The following S100Z variants were observed in gnomAD, a reference collection of about 807,000 sequenced individuals.
S100Z encodes S100 calcium binding protein Z.
A neutral mutation model predicts 8.5 loss-of-function variants in S100Z; 11 were observed. The ratio of observed to expected loss-of-function variants is 1.30; its 90% CI spans 0.82 to 2.15. The LOEUF (loss-of-function observed/expected upper bound fraction) is 2.15. S100Z is among the 30% of genes most tolerant of loss of function. The pLI, the probability that S100Z is intolerant of heterozygous loss-of-function variation, is 0.00. For missense variants in S100Z, 126 were observed against 117.9 expected (o/e 1.07, Z -0.32); for synonymous variants, 34 against 43.8 (o/e 0.78, Z 0.89).
chr5:76,924,114 C>G (rs929093971), downstream of S100Z, among the ~76,000 whole-genome samples: 3 of 152,192 alleles, frequency 2.0e-5, no homozygotes, highest in Non-Finnish European at 4.4e-5. Flanking sequence ...AAACACCACA[C>G]TTGGAGCCCA....
intron 4 of S100Z, among the ~76,000 whole-genome samples, chr5:76,905,494 G>C (rs1744393819): frequency 6.6e-6 from 1 of 151,686 alleles, no homozygotes; most frequent in Admixed American, 6.6e-5. Flanking sequence ...TTCATCGCAA[G>C]CTCCACCTCC....
intron 3 of S100Z, among the ~76,000 whole-genome samples, chr5:76,875,862 T>C (rs917121732): frequency 2.0e-5 from 3 of 152,150 alleles, no homozygotes; most frequent in Admixed American, 6.5e-5. Context: ...AAATTATGTA[T>C]TGGGCCAGAG....
At chr5:76,862,765 C>G (rs1409320259) in intron 1 of S100Z, among the ~76,000 whole-genome samples, 1 of 151,946 alleles carries the variant, frequency 6.6e-6, no homozygotes, top group Non-Finnish European at 1.5e-5. Context: ...TCAAGCCACT[C>G]CACTCCAGCC....
intron 4 of S100Z, among the ~76,000 whole-genome samples, chr5:76,918,177 A>G (rs1580069627): frequency 1.3e-5 from 2 of 152,108 alleles, no homozygotes; most frequent in Non-Finnish European, 2.9e-5. Flanking sequence ...ATTAGATATT[A>G]TCCAACTTTA....
chr5:76,924,858 A>G (rs1475716874), downstream of S100Z, among the ~76,000 whole-genome samples: 1 of 151,794 alleles, frequency 6.6e-6, no homozygotes, highest in African/African-American at 2.4e-5. Context: ...GATTGCGGTG[A>G]GCCAAGATGG....
chr5:76,947,147 CAGAG>C, the S100Z span, among the ~76,000 whole-genome samples: 1 of 152,218 alleles, frequency 6.6e-6, no homozygotes, highest in Non-Finnish European at 1.5e-5. Flanking sequence ...AGCTAGCAGA[CAGAG>C]AGACTGGGGA....
chr5:76,952,714 C>T, the S100Z span: 1 of 179,296 alleles, frequency 5.6e-6, no homozygotes, highest in East Asian at 1.4e-4. Flanking sequence ...AACTTTGTCA[C>T]TTTGATTTGC....
At chr5:76,861,920 C>T (rs1371305311) in intron 1 of S100Z, among the ~76,000 whole-genome samples, 1 of 152,094 alleles carries the variant, frequency 6.6e-6, no homozygotes, top group Non-Finnish European at 1.5e-5. Flanking sequence ...TGTTTAACAG[C>T]CTTCATGGTT....
chr5:76,861,634 C>T (rs965422699), intron 1 of S100Z, among the ~76,000 whole-genome samples: 29 of 152,250 alleles, frequency 1.9e-4, no homozygotes, highest in African/African-American at 6.5e-4. Context: ...CCACTGTGCC[C>T]GGCCAAAGCC....
chr5:76,856,302 C>T (rs191199435), intron 1 of S100Z, among the ~76,000 whole-genome samples: 8 of 152,284 alleles, frequency 5.3e-5, no homozygotes, highest in Non-Finnish European at 8.8e-5. Flanking sequence ...CAAATTCAAG[C>T]GATTCTCCTG....
At chr5:76,889,120 T>C (rs1743765783) in intron 4 of S100Z, among the ~76,000 whole-genome samples, 1 of 152,206 alleles carries the variant, frequency 6.6e-6, no homozygotes. Flanking sequence ...AGCCATCGCA[T>C]GTAACTGGCT....
intron 1 of S100Z, among the ~76,000 whole-genome samples, chr5:76,859,768 CA>C (rs70982653): frequency 0.53 from 51,727 of 98,276 alleles, 12,006 homozygotes; most frequent in East Asian, 0.83. Flanking sequence ...GCAACAGAGC[CA>C]AAAAAAAAAA....
At chr5:76,947,595 C>T in the S100Z span, among the ~76,000 whole-genome samples, 1 of 152,310 alleles carries the variant, frequency 6.6e-6, no homozygotes, top group South Asian at 2.1e-4. Flanking sequence ...CGAGGCACCA[C>T]ACTTCCTGAT....
At chr5:76,943,597 C>T in the S100Z span, among the ~76,000 whole-genome samples, 1 of 152,264 alleles carries the variant, frequency 6.6e-6, no homozygotes, top group African/African-American at 2.4e-5. Context: ...AGTGACAGCT[C>T]CTCTCTGCTC....
intron 4 of S100Z, among the ~76,000 whole-genome samples, chr5:76,895,980 C>G (rs1283099080): frequency 6.6e-6 from 1 of 151,990 alleles, no homozygotes; most frequent in Non-Finnish European, 1.5e-5. Flanking sequence ...CCAGGCTGCT[C>G]TTGAACTCCT....
At chr5:76,909,279 C>T (rs774239320) in intron 4 of S100Z, among the ~76,000 whole-genome samples, 3 of 152,108 alleles carry the variant, frequency 2.0e-5, no homozygotes, top group Non-Finnish European at 2.9e-5. Flanking sequence ...CATCCTAAGC[C>T]AATGGGACCA....
the S100Z span, among the ~76,000 whole-genome samples, chr5:76,943,729 G>T: frequency 4.6e-5 from 7 of 150,580 alleles, no homozygotes; most frequent in Non-Finnish European, 2.9e-5. Flanking sequence ...GTCTCCTGCA[G>T]TGATTCTGAT....
At chr5:76,932,060 A>C in the S100Z span, among the ~76,000 whole-genome samples, 1 of 152,044 alleles carries the variant, frequency 6.6e-6, no homozygotes, top group Non-Finnish European at 1.5e-5. Flanking sequence ...TCTTTTCATA[A>C]GATGTCAGTT....
At chr5:76,939,516 A>AAT in the S100Z span, among the ~76,000 whole-genome samples, 1 of 10,082 alleles carries the variant, frequency 9.9e-5, no homozygotes, top group African/African-American at 2.0e-4. Flanking sequence ...TTGGTGTTTA[A>AAT]CTTTTTTTTT....
Sources: allele counts gnomAD v4.1 joint callset (sites outside exome capture counted in the v4.1 genomes callset), GRCh38; gene constraint gnomAD v4.1.1; transcripts MANE v1.5; gene names NCBI Gene and HGNC (gene_info 2026-07-23, HGNC 2026-07-21).